The following BRINP3 variants were observed in gnomAD, a reference collection of about 807,000 sequenced individuals.
BRINP3 encodes BMP/retinoic acid inducible neural specific 3.
A neutral mutation model predicts 71.0 loss-of-function variants in BRINP3; 19 were observed. The ratio of observed to expected loss-of-function variants is 0.27; its 90% CI spans 0.19 to 0.39. BRINP3 has a LOEUF of 0.39. Among genes scored for constraint, BRINP3 ranks in the 10% least tolerant of loss-of-function variants. The pLI, the probability that BRINP3 is intolerant of heterozygous loss-of-function variation, is 1.00. For synonymous variants in BRINP3, 380 were observed against 337.7 expected, an observed-to-expected ratio of 1.13 and a Z score of -1.37; for missense variants, 959 against 940.8, an observed-to-expected ratio of 1.02 and a Z score of -0.25.
intron 4 of BRINP3, among the ~76,000 whole-genome samples, chr1:190,240,669 G>C (rs988038912): frequency 1.3e-5 from 2 of 151,732 alleles, no homozygotes; most frequent in African/African-American, 4.8e-5. Context: ...TCAGGAGTTT[G>C]AGACCAGCCT....
intron 6 of BRINP3, among the ~76,000 whole-genome samples, chr1:190,182,949 C>T (rs1468953965): frequency 6.6e-6 from 1 of 152,000 alleles, no homozygotes; most frequent in Non-Finnish European, 1.5e-5. Flanking sequence ...GTGAAATAAC[C>T]TTCAGTGATG....
intron 6 of BRINP3, among the ~76,000 whole-genome samples, chr1:190,190,237 T>G (rs181058991): frequency 5.3e-5 from 8 of 152,182 alleles, no homozygotes; most frequent in Admixed American, 3.9e-4. Context: ...GGGCTTTACT[T>G]TGGCAGGCCA....
At chr1:190,466,071 T>C (rs1676725736) in intron 1 of BRINP3, among the ~76,000 whole-genome samples, 1 of 151,756 alleles carries the variant, frequency 6.6e-6, no homozygotes, top group African/African-American at 2.4e-5. Flanking sequence ...TAAGTGTCAA[T>C]TTAAAGAAAA....
At chr1:190,282,772 A>G (rs983828618) in intron 2 of BRINP3, among the ~76,000 whole-genome samples, 14 of 151,992 alleles carry the variant, frequency 9.2e-5, no homozygotes, top group African/African-American at 3.1e-4. Context: ...TAAATAAAAT[A>G]AAGACAGAAA....
intron 7 of BRINP3, among the ~76,000 whole-genome samples, chr1:190,133,525 A>C (rs1419546103): frequency 6.6e-6 from 1 of 152,054 alleles, no homozygotes; most frequent in Non-Finnish European, 1.5e-5. Context: ...GGAATGGATT[A>C]AAAAAAGTAT....
intron 4 of BRINP3, among the ~76,000 whole-genome samples, chr1:190,259,615 A>T (rs371429713): frequency 1.4e-5 from 2 of 140,088 alleles, no homozygotes. Flanking sequence ...AATTAGGCAA[A>T]AAATAAATAA....
intron 7 of BRINP3, among the ~76,000 whole-genome samples, chr1:190,110,620 C>G (rs73054778): frequency 6.6e-6 from 1 of 152,222 alleles, no homozygotes; most frequent in African/African-American, 2.4e-5. Context: ...CTGTTGGAGT[C>G]CTGTAGTATA....
chr1:190,252,828 A>G (rs1287657351), intron 4 of BRINP3, among the ~76,000 whole-genome samples: 1 of 152,028 alleles, frequency 6.6e-6, no homozygotes, highest in Non-Finnish European at 1.5e-5. Context: ...CATGTGCACA[A>G]CATGCAGGTT....
intron 4 of BRINP3, among the ~76,000 whole-genome samples, chr1:190,246,210 C>T (rs1167892129): frequency 6.6e-6 from 1 of 151,968 alleles, no homozygotes; most frequent in Non-Finnish European, 1.5e-5. Flanking sequence ...TTGTGTTCCT[C>T]TTCTTTCTAT....
intron 2 of BRINP3, among the ~76,000 whole-genome samples, chr1:190,338,346 T>C (rs1667427296): frequency 6.6e-6 from 1 of 152,050 alleles, no homozygotes; most frequent in Admixed American, 6.6e-5. Flanking sequence ...GTCTTGGATA[T>C]TGAAAGAAAT....
At chr1:190,327,352 G>GAAAAAAAAAAAAAAA (rs796445574) in intron 2 of BRINP3, among the ~76,000 whole-genome samples, 3 of 77,414 alleles carry the variant, frequency 3.9e-5, no homozygotes, top group Non-Finnish European at 8.4e-5. Context: ...AAAAAAAAAG[G>GAAAAAAAAAAAAAAA]AAAAAAAAAA....
At chr1:190,444,675 A>G (rs1675087518) in intron 2 of BRINP3, among the ~76,000 whole-genome samples, 1 of 151,814 alleles carries the variant, frequency 6.6e-6, no homozygotes, top group African/African-American at 2.4e-5. Context: ...CCTGGGATTT[A>G]CAGGCGCGCA....
intron 1 of BRINP3, 144 bp downstream of exon 1, chr1:190,477,304 C>T (rs1677563207): frequency 6.6e-6 from 1 of 152,048 alleles, no homozygotes; most frequent in Non-Finnish European, 1.5e-5. Flanking sequence ...TTGCCACTAA[C>T]ATACTAATTA....
At chr1:190,224,127 G>GAA (rs576762105) in intron 6 of BRINP3, among the ~76,000 whole-genome samples, 16 of 147,830 alleles carry the variant, frequency 1.1e-4, no homozygotes, top group Middle Eastern at 3.4e-3. Context: ...CACAGAAATA[G>GAA]AAAAAAAAAA....
intron 7 of BRINP3, among the ~76,000 whole-genome samples, chr1:190,138,275 G>GGTAGAT (rs1259566192): frequency 1.1e-4 from 16 of 152,024 alleles, no homozygotes; most frequent in Non-Finnish European, 2.4e-4. Flanking sequence ...GTTTTTGAAT[G>GGTAGAT]GTAGATCCCC....
At chr1:190,329,023 C>G (rs756919645) in intron 2 of BRINP3, among the ~76,000 whole-genome samples, 2 of 151,924 alleles carry the variant, frequency 1.3e-5, no homozygotes, top group Non-Finnish European at 2.9e-5. Context: ...GCACATACCT[C>G]GAAATAATAA....
intron 2 of BRINP3, among the ~76,000 whole-genome samples, chr1:190,354,997 C>T (rs994302458): frequency 1.3e-5 from 2 of 151,846 alleles, no homozygotes; most frequent in Admixed American, 6.6e-5. Flanking sequence ...TCAGCTACCT[C>T]TATCCTAGTC....
At chr1:190,285,376 T>G (rs1337185413) in intron 2 of BRINP3, among the ~76,000 whole-genome samples, 1 of 152,170 alleles carries the variant, frequency 6.6e-6, no homozygotes, top group Non-Finnish European at 1.5e-5. Flanking sequence ...AGCCCGGACA[T>G]TGATTAGCAA....
At chr1:190,414,026 G>C in intron 2 of BRINP3, among the ~76,000 whole-genome samples, 1 of 152,056 alleles carries the variant, frequency 6.6e-6, no homozygotes, top group East Asian at 1.9e-4. Flanking sequence ...GCAGTGGTGT[G>C]ATCATAGGTT....
Sources: gnomAD v4.1 joint callset for allele counts (sites outside exome capture counted in the v4.1 genomes callset) on GRCh38, gnomAD v4.1.1 for gene constraint, MANE v1.5 for transcripts, NCBI Gene and HGNC (gene_info 2026-07-23, HGNC 2026-07-21) for gene names.